ULK4: variants seen among roughly 807,000 people sequenced by gnomAD.
ULK4 encodes the protein inactive serine/threonine-protein kinase ULK4.
ULK4 carries 133 observed loss-of-function variants against 160.6 expected under a neutral mutation model. The ratio of observed to expected loss-of-function variants is 0.83; its 90% CI spans 0.72 to 0.96. ULK4 has a LOEUF of 0.96. Ranked by LOEUF, ULK4 falls within the 40% of genes least tolerant of loss-of-function variation. The pLI is 0.00. For synonymous variants in ULK4, 534 were observed against 539.8 expected (o/e 0.99, Z 0.15); for missense variants, 1,580 against 1,499.5 (o/e 1.05, Z -0.89).
chr3:41,420,814 T>TAAAA (rs540329844), intron 34 of ULK4, among the ~76,000 whole-genome samples: 5 of 135,354 alleles, frequency 3.7e-5, no homozygotes, highest in African/African-American at 1.3e-4. Context: ...TCAGTATTAT[T>TAAAA]AAAAAAAAAA....
chr3:41,634,744 A>AG (rs370298072), intron 30 of ULK4, among the ~76,000 whole-genome samples: 17 of 152,208 alleles, frequency 1.1e-4, no homozygotes, highest in African/African-American at 4.1e-4. Context: ...TGATTTCTGT[A>AG]GGAAAAGTTA....
Position 41,705,274 on chromosome 3 carries a change from G to A in ULK4, c.2666C>T (p.Thr889Met), listed in dbSNP as rs565139607. The A allele has an allele frequency of 4.7e-5, 76 of 1,612,854 alleles. No individual in the cohort carries two copies. The highest frequency in any genetic ancestry group is 2.0e-4 in the African/African-American group (15 of 74,894). ...SHIKSVDSGE[T>M]NIDGAIGLTA... ...CTCACCTATGGCTCCATCTATGTTC[G>A]TTTCTCCTGAGTCTACAGATTTAAT... Residue 889 changes from threonine to methionine, a missense_variant, in exon 26 of 37, where the codon ACG becomes ATG. By Grantham distance (81) the Thr-to-Met change is moderately conservative. Coordinates refer to ENST00000301831, the MANE Select transcript of ULK4 (RefSeq NM_017886.4).
intron 7 of ULK4, 39 bp from the exon 8 acceptor site, chr3:41,916,091 G>T: frequency 2.3e-6 from 3 of 1,294,180 alleles, no homozygotes; most frequent in Non-Finnish European, 3.3e-6. Flanking sequence ...ATGATAAGTA[G>T]TAAATACATA....
chr3:41,300,120 G>C (rs535265708), intron 35 of ULK4, among the ~76,000 whole-genome samples: 1 of 152,254 alleles, frequency 6.6e-6, no homozygotes, highest in East Asian at 1.9e-4. Flanking sequence ...TTTTTAGGAG[G>C]TACAAATTTA....
chr3:41,679,828 T>C (rs1012586758), intron 29 of ULK4, among the ~76,000 whole-genome samples: 1 of 152,234 alleles, frequency 6.6e-6, no homozygotes, highest in Non-Finnish European at 1.5e-5. Flanking sequence ...CTGAAAAATG[T>C]TCTCTACAAG....
chr3:41,935,775 G>GA (rs1559661399), intron 4 of ULK4, 26 bp downstream of exon 4: 1 of 1,590,024 alleles, frequency 6.3e-7, no homozygotes, highest in Admixed American at 1.8e-5. Flanking sequence ...GAAGCAGTTA[G>GA]AAAATCAAAA....
At chr3:41,756,034 T>G (rs2038789137) in intron 21 of ULK4, among the ~76,000 whole-genome samples, 1 of 152,102 alleles carries the variant, frequency 6.6e-6, no homozygotes, top group Admixed American at 6.5e-5. Context: ...AAAGTAAACA[T>G]AGCAAACTGT....
intron 34 of ULK4, among the ~76,000 whole-genome samples, chr3:41,445,370 C>A (rs1260274980): frequency 1.3e-5 from 2 of 152,156 alleles, no homozygotes; most frequent in African/African-American, 4.8e-5. Flanking sequence ...TTGGAAAAAA[C>A]AACTTTCAAG....
chr3:41,742,010 T>C (rs148338266), intron 22 of ULK4, among the ~76,000 whole-genome samples: 1 of 151,838 alleles, frequency 6.6e-6, no homozygotes, highest in African/African-American at 2.4e-5. Context: ...AAAGGATCAG[T>C]GAAAAAAGAT....
At chr3:41,737,969 T>C (rs942472995) in intron 22 of ULK4, among the ~76,000 whole-genome samples, 1 of 151,962 alleles carries the variant, frequency 6.6e-6, no homozygotes, top group African/African-American at 2.4e-5. Flanking sequence ...TAGGCTAGTA[T>C]GGTAAGAAGA....
At chr3:41,635,341 C>T (rs1045257839) in intron 30 of ULK4, among the ~76,000 whole-genome samples, 1 of 151,922 alleles carries the variant, frequency 6.6e-6, no homozygotes, top group Non-Finnish European at 1.5e-5. Flanking sequence ...AACCACTAGC[C>T]TGTGTTTGTG....
chr3:41,460,440 A>G (rs1469731601), intron 33 of ULK4, among the ~76,000 whole-genome samples: 4 of 152,216 alleles, frequency 2.6e-5, no homozygotes, highest in African/African-American at 9.6e-5. Context: ...ACATGCAATA[A>G]GATGACGACT....
At chr3:41,572,334 C>CG (rs1350250037) in intron 31 of ULK4, among the ~76,000 whole-genome samples, 7 of 152,206 alleles carry the variant, frequency 4.6e-5, no homozygotes, top group Non-Finnish European at 1.0e-4. Flanking sequence ...CCAGAGTAGG[C>CG]GGGGGTGAAA....
intron 35 of ULK4, among the ~76,000 whole-genome samples, chr3:41,371,124 A>T (rs2081357029): frequency 6.6e-6 from 1 of 152,190 alleles, no homozygotes; most frequent in Admixed American, 6.5e-5. Flanking sequence ...GGCATCTCTG[A>T]AAGAAAGGCA....
intron 31 of ULK4, among the ~76,000 whole-genome samples, chr3:41,573,588 T>G (rs1239178750): frequency 6.6e-6 from 1 of 152,128 alleles, no homozygotes; most frequent in African/African-American, 2.4e-5. Flanking sequence ...CCACAACTAA[T>G]CATAGGGATG....
chr3:41,253,169 C>T (rs1045036998), intron 35 of ULK4, among the ~76,000 whole-genome samples: 12 of 151,812 alleles, frequency 7.9e-5, no homozygotes, highest in Admixed American at 5.9e-4. Context: ...GGAAGTTCTT[C>T]AGAGAGAAAG....
rs533487465 is a variant in ULK4 at position 41,851,631 on chromosome 3, G to A, written c.1657-15660C>T. Among the ~76,000 whole-genome samples the A allele has an allele frequency of 7.2e-5, 11 of 152,162 alleles. No homozygotes were observed. In the East Asian group the frequency reaches 2.1e-3, roughly 29 times the overall value. On this transcript the variant is annotated intron_variant, in intron 17 of 36. Transcript: ENST00000301831. ...AGGATTCCCTCTTTTTCTATTGATT[G>A]GAATAGTTTCAGAAGGAATGGTACC... is the stretch of plus-strand genomic sequence containing the variant.
chr3:41,491,993 G>A (rs954713534), intron 32 of ULK4, among the ~76,000 whole-genome samples: 3 of 148,224 alleles, frequency 2.0e-5, no homozygotes, highest in Non-Finnish European at 3.0e-5. Context: ...TTGGTTTTTT[G>A]TCTTTGCAAT....
intron 30 of ULK4, among the ~76,000 whole-genome samples, chr3:41,631,944 C>G (rs1447675697): frequency 2.6e-5 from 4 of 152,206 alleles, no homozygotes; most frequent in Non-Finnish European, 5.9e-5. Context: ...CTCACTCCCA[C>G]ATTCTGTCCA....
Sources: allele counts gnomAD v4.1 joint callset (sites outside exome capture counted in the v4.1 genomes callset), GRCh38; gene constraint gnomAD v4.1.1; transcripts MANE v1.5; gene names NCBI Gene and HGNC (gene_info 2026-07-23, HGNC 2026-07-21).